ZNF496: variants seen among roughly 807,000 people sequenced by gnomAD.
ZNF496 encodes zinc finger protein 496, also known as NSD1 (nuclear receptor binding SET-domain containing 1)-interacting zinc finger protein 1.
A neutral mutation model predicts 58.9 loss-of-function variants in ZNF496; 11 were observed. That is an observed-to-expected ratio of 0.19 (90% CI 0.12 to 0.31). ZNF496 has a LOEUF of 0.31. Ranked by LOEUF, ZNF496 falls within the 10% of genes least tolerant of loss-of-function variation. The pLI, the probability that ZNF496 is intolerant of heterozygous loss-of-function variation, is 1.00. For synonymous variants in ZNF496, 338 were observed against 318.2 expected, an observed-to-expected ratio of 1.06 and a Z score of -0.66; for missense variants, 660 against 783.0, an observed-to-expected ratio of 0.84 and a Z score of 1.88.
At chr1:247,323,678 T>C (rs1660028951) in intron 5 of ZNF496, among the ~76,000 whole-genome samples, 1 of 151,840 alleles carries the variant, frequency 6.6e-6, no homozygotes, top group African/African-American at 2.4e-5. Context: ...GCTATTCTTA[T>C]TTTGGGGACT....
chr1:247,323,263 G>C (rs766706599), intron 5 of ZNF496, 33 bp from the exon 6 acceptor site: 30 of 1,550,504 alleles, frequency 1.9e-5, no homozygotes, highest in Non-Finnish European at 2.5e-5. Context: ...GTCCTAAAGT[G>C]GGCCAGGGCC....
chr1:247,305,916 AAAAAC>A (rs765985374), intron 9 of ZNF496, among the ~76,000 whole-genome samples: 5 of 152,344 alleles, frequency 3.3e-5, no homozygotes, highest in Admixed American at 6.5e-5. Context: ...CCCATCTTTA[AAAAAC>A]AAAACAAAAC....
In ZNF496 at chr1:247,309,827, G is replaced by C; in HGVS notation, c.785-21C>G. On this transcript the variant is annotated intron_variant, in intron 7 of 9. Transcript: ENST00000682384. This position sits in a 1 kb window ranked among gnomAD's most constrained non-coding sequence, Gnocchi z 4.3. ...GTCGTCTGTTCAAAGAAAAAGGCAG[G>C]GTACATGTTTATTAGTAATCTGATC... 6.2e-7 allele frequency: 1 copy of C among 1,613,148 alleles called. No individual in the cohort carries two copies. The highest frequency in any genetic ancestry group is 8.5e-7 in the Non-Finnish European group (1 of 1,179,300).
intron 9 of ZNF496, chr1:247,307,732 GATA>G: frequency 1.0e-6 from 1 of 985,422 alleles, no homozygotes; most frequent in South Asian, 4.7e-5. Flanking sequence ...AGGTAGAAGA[GATA>G]ATATGTGTGA....
chr1:247,310,700 G>A (rs917857278), intron 6 of ZNF496: 2 of 465,282 alleles, frequency 4.3e-6, no homozygotes, highest in Non-Finnish European at 7.8e-6. Context: ...TGATGGAGAG[G>A]GCAAGGGAGT....
At chr1:247,302,484 GCA>G (rs1184156501) in intron 9 of ZNF496, among the ~76,000 whole-genome samples, 3 of 151,656 alleles carry the variant, frequency 2.0e-5, no homozygotes, top group Admixed American at 6.6e-5. Context: ...TTGTGTGTGT[GCA>G]TGTGTTTTTA....
chr1:247,304,370 ATTTTTT>A (rs146250749), intron 9 of ZNF496, among the ~76,000 whole-genome samples: 1 of 141,626 alleles, frequency 7.1e-6, no homozygotes, highest in African/African-American at 2.6e-5. Context: ...GACCTGCTAG[ATTTTTT>A]TTTTTTTTTT....
In ZNF496 at chr1:247,301,129, A is replaced by C; in HGVS notation, c.1154T>G (p.Leu385Arg). 1 of 1,613,420 alleles carries C rather than the reference A, an allele frequency of 6.2e-7. No homozygotes were observed. Among genetic ancestry groups the C allele is most frequent in the Admixed American group, 1.7e-5 (1 of 59,984 alleles). ...GGTGCTGCTCCGGTGGGAGGCGGGG[A>C]GGCTGCGCTGCTTCTCTGTGGGGCT... ...LGSPTEKQRS[L>R]PASHRSSTEA... Residue 385 changes from leucine to arginine, a missense_variant, in exon 10 of 10, where the codon CTC becomes CGC. Leu to Arg is a moderately radical substitution (Grantham distance 102). Transcript: ENST00000682384.
chr1:247,304,370 ATT>A (rs146250749), intron 9 of ZNF496, among the ~76,000 whole-genome samples: 82,983 of 141,668 alleles, frequency 0.59, 24,637 homozygotes, highest in East Asian at 0.92. Flanking sequence ...GACCTGCTAG[ATT>A]TTTTTTTTTT....
chr1:247,318,186 CAG>C (rs1659846351), intron 6 of ZNF496, among the ~76,000 whole-genome samples: 1 of 152,064 alleles, frequency 6.6e-6, no homozygotes, highest in African/African-American at 2.4e-5. Context: ...ATCTGAACAA[CAG>C]AGAGAATACA....
chr1:247,324,608 C>T (rs1164579069), intron 5 of ZNF496, among the ~76,000 whole-genome samples: 3 of 152,036 alleles, frequency 2.0e-5, no homozygotes, highest in African/African-American at 7.3e-5. Flanking sequence ...GATCCTCCCA[C>T]CTCAGCCTCC....
rs573561094 is a variant in ZNF496 at position 247,328,660 on chromosome 1, C to G, written c.574+23G>C. ...TGTGCACTTCCCCAGATCACCCCTGCTACACTCCCCTGGGCTGCATACCTG... is the reference window on the plus strand; with the variant it reads ...TGTGCACTTCCCCAGATCACCCCTGGTACACTCCCCTGGGCTGCATACCTG... On this transcript the variant is annotated intron_variant, in intron 5 of 9. Transcript: ENST00000682384. 1.4e-5 allele frequency: 21 copies of G among 1,539,044 alleles called. No individual in the cohort carries two copies. The African/African-American group carries it at 2.7e-4, about 20-fold the overall frequency.
At chr1:247,305,558 C>T (rs1443123258) in intron 9 of ZNF496, among the ~76,000 whole-genome samples, 2 of 152,170 alleles carry the variant, frequency 1.3e-5, no homozygotes, top group Non-Finnish European at 2.9e-5. Flanking sequence ...ATGACTATCG[C>T]CTCAGGAAGG....
At chr1:247,312,108 C>T (rs1008755275) in intron 6 of ZNF496, 5 of 152,226 alleles carry the variant, frequency 3.3e-5, no homozygotes, top group African/African-American at 1.2e-4. Context: ...CAAATATTCC[C>T]GATCTTTAAG....
intron 5 of ZNF496, among the ~76,000 whole-genome samples, chr1:247,323,496 A>AG (rs1660024764): frequency 6.6e-6 from 1 of 152,316 alleles, no homozygotes; most frequent in South Asian, 2.1e-4. Flanking sequence ...AGATATAACA[A>AG]GGGGGGCTGT....
intron 9 of ZNF496, chr1:247,307,741 T>C: frequency 2.0e-6 from 2 of 985,422 alleles, no homozygotes; most frequent in Non-Finnish European, 2.4e-6. Context: ...AGATAATATG[T>C]GTGAGTTGGT....
At chr1:247,310,510 A>G in intron 6 of ZNF496, 54 bp from the exon 7 acceptor site, 1 of 1,607,486 alleles carries the variant, frequency 6.2e-7, no homozygotes, top group East Asian at 2.2e-5. Flanking sequence ...TAGGTGTCTC[A>G]GTCTTAGTCC....
rs60928608 is a variant in ZNF496 at position 247,306,554 on chromosome 1, A to T, written c.1006+1921T>A. ...GACAGACTCTCGCTCTGTTGTCCAGACTGGAGTGCAGTGTCATGATTTCTG... is the reference window on the plus strand; with the variant it reads ...GACAGACTCTCGCTCTGTTGTCCAGTCTGGAGTGCAGTGTCATGATTTCTG... On this transcript the variant is annotated intron_variant, in intron 9 of 9. Transcript: ENST00000682384. Among the ~76,000 whole-genome samples the T allele has an allele frequency of 2.4e-3, 348 of 147,500 alleles. 4 individuals are homozygous for T. The highest frequency in any genetic ancestry group is 8.5e-3 in the African/African-American group (341 of 39,904).
chr1:247,320,757 A>G (rs1353124226), intron 6 of ZNF496, among the ~76,000 whole-genome samples: 1 of 152,244 alleles, frequency 6.6e-6, no homozygotes, highest in Non-Finnish European at 1.5e-5. Context: ...CACGTGTACC[A>G]TGTTCATAGC....
Sources: gnomAD v4.1 joint callset for allele counts (sites outside exome capture counted in the v4.1 genomes callset) on GRCh38, gnomAD v4.1.1 for gene constraint, Gnocchi (gnomAD v3.1) non-coding constraint, MANE v1.5 for transcripts, NCBI Gene and HGNC (gene_info 2026-07-23, HGNC 2026-07-21) for gene names.